AMZ1: variants seen among roughly 807,000 people sequenced by gnomAD.
The protein encoded by AMZ1 is archaelysin family metallopeptidase 1.
AMZ1 carries 39 observed loss-of-function variants against 29.9 expected under a neutral mutation model. The ratio of observed to expected loss-of-function variants is 1.30; its 90% CI spans 1.01 to 1.70. AMZ1 has a LOEUF of 1.70. AMZ1 is among the 40% of genes most tolerant of loss of function. AMZ1 has a pLI of 0.00. For synonymous variants in AMZ1, 458 were observed against 304.0 expected, an observed-to-expected ratio of 1.51 and a Z score of -5.27; for missense variants, 1,041 against 680.6, an observed-to-expected ratio of 1.53 and a Z score of -5.89.
chr7:2,683,106 G>A (rs887722745), intron 1 of AMZ1, among the ~76,000 whole-genome samples: 3 of 152,008 alleles, frequency 2.0e-5, no homozygotes, highest in African/African-American at 2.4e-5. Context: ...AATGCCCCGG[G>A]AGAGTTTTCC....
At chr7:2,735,908 G>C (rs798526) in intron 4 of AMZ1, among the ~76,000 whole-genome samples, 42,176 of 151,794 alleles carry the variant, frequency 0.28, 6,067 homozygotes, top group Non-Finnish European at 0.3. Flanking sequence ...GGAAGAAGGG[G>C]ACACAGAGCA....
upstream of AMZ1, among the ~76,000 whole-genome samples, chr7:2,686,783 C>T (rs914989460): frequency 4.6e-5 from 7 of 151,916 alleles, no homozygotes; most frequent in East Asian, 2.0e-4. Flanking sequence ...GGCATAATCT[C>T]GGCTCACTGC....
chr7:2,688,378 C>T (rs984510568), intron 1 of AMZ1, 82 bp downstream of exon 1: 5 of 151,810 alleles, frequency 3.3e-5, no homozygotes, highest in African/African-American at 4.8e-5. Context: ...AGGGGCAGCT[C>T]CGGGTCCAGC....
intron 4 of AMZ1, among the ~76,000 whole-genome samples, chr7:2,740,157 CA>C (rs1790426334): frequency 6.6e-6 from 1 of 152,008 alleles, no homozygotes; most frequent in Admixed American, 6.5e-5. Flanking sequence ...AATGGCACTC[CA>C]GTGTGATCTT....
At chr7:2,763,024 G>A (rs145990725), upstream of AMZ1, 362 of 1,262,300 alleles carry the variant, frequency 2.9e-4, 2 homozygotes, top group East Asian at 6.9e-3. Flanking sequence ...GCCGGCCACT[G>A]GCCCAGGACT....
intron 1 of AMZ1, among the ~76,000 whole-genome samples, chr7:2,692,789 A>G (rs1260531032): frequency 1.3e-5 from 2 of 152,096 alleles, no homozygotes; most frequent in Non-Finnish European, 2.9e-5. Flanking sequence ...CCCAGAGCAA[A>G]GGTTAAAGCT....
At chr7:2,758,563 A>G (rs1791409332) in intron 4 of AMZ1, among the ~76,000 whole-genome samples, 2 of 152,066 alleles carry the variant, frequency 1.3e-5, no homozygotes, top group Admixed American at 6.5e-5. Context: ...CAGCTAAGCC[A>G]AAGGGAGGTG....
intron 2 of AMZ1, among the ~76,000 whole-genome samples, chr7:2,701,067 G>C (rs992361361): frequency 1.3e-5 from 2 of 152,142 alleles, no homozygotes. Flanking sequence ...ACTGTGCTGC[G>C]GGCTGTATAA....
rs1050542651 is a variant in AMZ1 at position 2,717,995 on chromosome 7, C to T, written c.*5117C>T. Among the ~76,000 whole-genome samples the T allele has an allele frequency of 2.6e-5, 4 of 152,204 alleles. No homozygotes were observed. The highest frequency in any genetic ancestry group is 9.7e-5 in the African/African-American group (4 of 41,444). The stretch of plus-strand genomic sequence containing the variant: ...GAGCAAACACGGCGGCCCCTGCCTC[C>T]CCCGGCGGCTCCACAATGGCCCTCA... On this transcript the variant is annotated 3_prime_UTR_variant, in exon 7 of 7. Transcript: ENST00000683327.
intron 5 of AMZ1, 41 bp downstream of exon 5, chr7:2,709,285 G>T (rs770348171): frequency 1.0e-5 from 15 of 1,471,242 alleles, no homozygotes; most frequent in Non-Finnish European, 1.3e-5. Flanking sequence ...GGACAGGAGG[G>T]TGCTGTCTGA....
intron 1 of AMZ1, among the ~76,000 whole-genome samples, chr7:2,696,663 T>A (rs1028123485): frequency 1.3e-5 from 2 of 151,652 alleles, no homozygotes; most frequent in African/African-American, 4.8e-5. Flanking sequence ...GGTGGGCAGA[T>A]CACCTTGAGG....
At chr7:2,733,270 C>T (rs1008448829) in intron 4 of AMZ1, among the ~76,000 whole-genome samples, 2 of 152,192 alleles carry the variant, frequency 1.3e-5, no homozygotes, top group Non-Finnish European at 2.9e-5. Flanking sequence ...CTCCCCTCCC[C>T]ACTGAGACGG....
rs193300890 is a variant in AMZ1 at position 2,755,829 on chromosome 7, C to T, written n.551-8883C>T. Among the ~76,000 whole-genome samples the T allele has an allele frequency of 1.8e-3, 272 of 152,198 alleles. 3 individuals carry two copies. Among genetic ancestry groups the T allele is most frequent in the African/African-American group, 6.1e-3 (253 of 41,530 alleles). ...AACACTTGGGCAAAAAATTTGAAAC[C>T]TAAATAATTGGAGAGTTATGTCATA... On this transcript the variant is annotated intron_variant and non_coding_transcript_variant, in intron 4 of 4. Coordinates refer to the AMZ1 transcript ENST00000489665.
At chr7:2,720,518 C>G (rs1789374864), downstream of AMZ1, among the ~76,000 whole-genome samples, 1 of 151,964 alleles carries the variant, frequency 6.6e-6, no homozygotes, top group Non-Finnish European at 1.5e-5. Flanking sequence ...ATTCTCCTGT[C>G]TCAGCCTCCC....
intron 1 of AMZ1, among the ~76,000 whole-genome samples, chr7:2,688,520 C>T (rs2115038735): frequency 6.6e-6 from 1 of 152,302 alleles, no homozygotes; most frequent in Admixed American, 6.5e-5. Flanking sequence ...ACAGCCCCGG[C>T]AGGTCCTGCA....
At chr7:2,741,016 G>C (rs899906108) in intron 4 of AMZ1, among the ~76,000 whole-genome samples, 3 of 152,142 alleles carry the variant, frequency 2.0e-5, no homozygotes, top group Non-Finnish European at 4.4e-5. Flanking sequence ...CTGCACTCCT[G>C]CCTGGGCGAC....
At chr7:2,687,985 C>T (rs780806944), upstream of AMZ1, among the ~76,000 whole-genome samples, 1 of 151,620 alleles carries the variant, frequency 6.6e-6, no homozygotes, top group Non-Finnish European at 1.5e-5. Context: ...ACCTCCCTCA[C>T]CTGTTTGGCT....
At chr7:2,748,684 T>C (rs560637185) in intron 4 of AMZ1, among the ~76,000 whole-genome samples, 2 of 152,260 alleles carry the variant, frequency 1.3e-5, no homozygotes, top group East Asian at 1.9e-4. Context: ...CTAAAGAGTT[T>C]CTGCACAGCA....
chr7:2,749,413 A>G (rs1790917564), intron 4 of AMZ1, among the ~76,000 whole-genome samples: 1 of 152,060 alleles, frequency 6.6e-6, no homozygotes, highest in Admixed American at 6.6e-5. Context: ...TTGCAAGGAC[A>G]AAAAACCAAA....
Sources: gnomAD v4.1 joint callset for allele counts (sites outside exome capture counted in the v4.1 genomes callset) on GRCh38, gnomAD v4.1.1 for gene constraint, MANE v1.5 for transcripts, NCBI Gene and HGNC (gene_info 2026-07-23, HGNC 2026-07-21) for gene names.